Variants in ADGRV1 observed in about 807,000 individuals in gnomAD.
ADGRV1 encodes adhesion G protein-coupled receptor V1.
ADGRV1 carries 359 observed loss-of-function variants against 596.2 expected under a neutral mutation model. The ratio of observed to expected loss-of-function variants is 0.60; its 90% CI spans 0.55 to 0.66. ADGRV1 has a LOEUF of 0.66. ADGRV1 is among the 30% of genes least tolerant of loss of function. The pLI is 0.00. For synonymous variants in ADGRV1, 2,681 were observed against 2,679.2 expected, an observed-to-expected ratio of 1.00 and a Z score of -0.02; for missense variants, 7,274 against 7,575.6, an observed-to-expected ratio of 0.96 and a Z score of 1.48.
chr5:90,763,847 G>A (rs1053927716), intron 59 of ADGRV1, among the ~76,000 whole-genome samples: 3 of 152,148 alleles, frequency 2.0e-5, no homozygotes, highest in Non-Finnish European at 2.9e-5. Flanking sequence ...TTGCTTCAAA[G>A]GACATGATTT....
chr5:90,668,965 C>T (rs1772021135), intron 21 of ADGRV1, among the ~76,000 whole-genome samples: 1 of 152,058 alleles, frequency 6.6e-6, no homozygotes, highest in Non-Finnish European at 1.5e-5. Context: ...GTAAAAGAAA[C>T]CATTATACAT....
intron 85 of ADGRV1, among the ~76,000 whole-genome samples, chr5:91,045,293 A>C (rs1785703468): frequency 6.6e-6 from 1 of 152,196 alleles, no homozygotes; most frequent in Admixed American, 6.5e-5. Context: ...TCCTCAACAA[A>C]ATACTGGCTA....
In ADGRV1 at chr5:90,683,735, C is replaced by T. The variant is rs375933469; in HGVS notation, c.5814C>T (p.Asp1938=). 2.8e-5 allele frequency: 45 copies of T among 1,613,644 alleles called. No homozygotes were observed. Among genetic ancestry groups the T allele is most frequent in the Middle Eastern group, 1.6e-4 (1 of 6,084 alleles). ...ATATCACTGTGGAGATATTGCCTGA[C>T]GAAGACCCAGAACTGGATAAGGCAT... ...SANITVEILP[D]EDPELDKAFS... Residue 1938 remains aspartate (D), a synonymous_variant, in exon 28 of 90, where the codon GAC becomes GAT. Coordinates refer to ENST00000405460, the MANE Select transcript of ADGRV1 (RefSeq NM_032119.4).
At chr5:90,926,004 CT>C (rs1223244984) in intron 83 of ADGRV1, among the ~76,000 whole-genome samples, 2 of 130,510 alleles carry the variant, frequency 1.5e-5, no homozygotes, top group East Asian at 4.5e-4. Context: ...GGTGGATAAG[CT>C]TTTTGATGTG....
chr5:90,978,189 G>A (rs1300642414), intron 84 of ADGRV1, among the ~76,000 whole-genome samples: 2 of 151,972 alleles, frequency 1.3e-5, no homozygotes, highest in African/African-American at 4.8e-5. Context: ...CAGCTACTAG[G>A]GAGGCTGAGG....
Position 90,705,478 on chromosome 5 carries a change from C to A in ADGRV1, c.8465C>A (p.Pro2822Gln), listed in dbSNP as rs769289784. 5.4e-5 allele frequency: 87 copies of A among 1,613,728 alleles called. 1 individual carries two copies. Among genetic ancestry groups the A allele is most frequent in the Non-Finnish European group, 7.2e-5 (85 of 1,179,794 alleles). ...AVLTVEASDE[P>Q]HGVLNFALSS... The stretch of plus-strand genomic sequence containing the variant: ...CTCACAGTAGAAGCCAGTGATGAAC[C>A]ACATGGAGTTTTAAATTTTGCTCTT... Residue 2822 changes from proline to glutamine, a missense_variant, in exon 37 of 90, where the codon CCA becomes CAA. By Grantham distance (76) the Pro-to-Gln change is moderately conservative (BLOSUM62 -1). This residue lies in a region of ADGRV1 where 3,643 missense variants were observed against 3,809.2 expected (regional missense o/e 0.96). Coordinates refer to ENST00000405460, the MANE Select transcript of ADGRV1 (RefSeq NM_032119.4).
At chr5:90,916,745 G>C in intron 83 of ADGRV1, among the ~76,000 whole-genome samples, 4 of 145,128 alleles carry the variant, frequency 2.8e-5, no homozygotes, top group African/African-American at 1.0e-4. Flanking sequence ...CCATTCTCCT[G>C]CCTCAGCCTC....
rs1749499664 is a variant in ADGRV1, at chr5:90,712,512, G to A, written c.9184+84G>A. The A allele has an allele frequency of 6.9e-6, 7 of 1,020,662 alleles. No individual in the cohort carries two copies. In the Admixed American group the frequency reaches 1.1e-4, roughly 16 times the overall value. The allele number at this position is 1,020,662 out of a possible 1,614,324, so 63.2% of individuals were successfully genotyped here. ...GGGGAAGATGTAAAGGAATGAGAAA[G>A]TCTTGGTGGTTTTCTGTGCTTAAAA... is the stretch of plus-strand genomic sequence containing the variant. On this transcript the variant is annotated intron_variant, in intron 42 of 89. Transcript: ENST00000405460.
chr5:90,784,170 T>C, intron 67 of ADGRV1, 113 bp downstream of exon 67: 2 of 712,208 alleles, frequency 2.8e-6, no homozygotes. Context: ...CAATATTTAT[T>C]AATTATCTTG....
chr5:91,164,256 G>A lies in ADGRV1; in HGVS notation c.*356G>A, dbSNP rs199674330. 9.1e-6 allele frequency: 3 copies of A among 331,164 alleles called. No homozygotes were observed. In the East Asian group the frequency reaches 2.2e-4, roughly 25 times the overall value. 20.5% of individuals were successfully genotyped at this position (331,164 alleles called of 1,614,324 possible). ...GCTTCATTATTGATAAAGAAACATT[G>A]TGCATGGGCAAAAAAAGCTAACTCT... On this transcript the variant is annotated 3_prime_UTR_variant, in exon 90 of 90. Coordinates refer to ENST00000405460, the MANE Select transcript of ADGRV1 (RefSeq NM_032119.4).
At chr5:90,760,690 A>G (rs1012227550) in intron 58 of ADGRV1, among the ~76,000 whole-genome samples, 1 of 152,116 alleles carries the variant, frequency 6.6e-6, no homozygotes, top group African/African-American at 2.4e-5. Context: ...GTATTTCTCT[A>G]TATTTCTTCT....
chr5:90,805,711 T>A (rs148612833), intron 72 of ADGRV1, among the ~76,000 whole-genome samples: 1 of 152,268 alleles, frequency 6.6e-6, no homozygotes, highest in African/African-American at 2.4e-5. Context: ...GTCCATACAA[T>A]AGGAGTTTGT....
chr5:90,777,389 C>T (rs775637622), intron 61 of ADGRV1, among the ~76,000 whole-genome samples: 7 of 152,132 alleles, frequency 4.6e-5, no homozygotes, highest in Non-Finnish European at 1.0e-4. Flanking sequence ...TATCATATAA[C>T]TAAATTAGTA....
At chr5:91,001,110 T>C (rs1781821576) in intron 85 of ADGRV1, among the ~76,000 whole-genome samples, 1 of 152,154 alleles carries the variant, frequency 6.6e-6, no homozygotes, top group Admixed American at 6.6e-5. Context: ...AGACAGGGTC[T>C]CATGTTGCCC....
chr5:90,869,375 T>C (rs1029208672), intron 83 of ADGRV1, among the ~76,000 whole-genome samples: 4 of 152,138 alleles, frequency 2.6e-5, no homozygotes, highest in African/African-American at 9.7e-5. Context: ...CAGCTTCCCA[T>C]TGTCTGAGAA....
chr5:91,089,296 T>G (rs1418558102), intron 86 of ADGRV1, among the ~76,000 whole-genome samples: 2 of 152,138 alleles, frequency 1.3e-5, no homozygotes, highest in Non-Finnish European at 2.9e-5. Context: ...ATACCATTAT[T>G]TCTAAGACCA....
intron 85 of ADGRV1, among the ~76,000 whole-genome samples, chr5:91,056,275 AG>A (rs70973724): frequency 0.43 from 66,039 of 151,892 alleles, 16,621 homozygotes; most frequent in Non-Finnish European, 0.57. Flanking sequence ...TGGTTTCGCC[AG>A]GATTCAGAAA....
At chr5:91,109,245 A>G (rs1792159224) in intron 87 of ADGRV1, among the ~76,000 whole-genome samples, 1 of 152,212 alleles carries the variant, frequency 6.6e-6, no homozygotes, top group Non-Finnish European at 1.5e-5. Flanking sequence ...TTTTCTTGAT[A>G]GTTTAAAAAA....
chr5:90,788,316 T>A lies in ADGRV1; in HGVS notation c.13893+6T>A. On this transcript the variant is annotated splice_donor_region_variant and intron_variant, in intron 68 of 89. Coordinates refer to ENST00000405460, the MANE Select transcript of ADGRV1 (RefSeq NM_032119.4). ...CTAAAGATGTTACATTAACCGTATG[T>A]ATGGCTTTATTTTTCTCACAAAATG... The A allele has an allele frequency of 1.3e-6, 2 of 1,590,146 alleles. No individual in the cohort carries two copies. The highest frequency in any genetic ancestry group is 1.7e-6 in the Non-Finnish European group (2 of 1,166,490).
Sources: gnomAD v4.1 joint callset for allele counts (sites outside exome capture counted in the v4.1 genomes callset) on GRCh38, gnomAD v4.1.1 for gene constraint, gnomAD v4.1.1 regional missense constraint, MANE v1.5 for transcripts, NCBI Gene and HGNC (gene_info 2026-07-23, HGNC 2026-07-21) for gene names.